Variants in RPS6KC1 observed in about 807,000 individuals in gnomAD.
RPS6KC1 encodes the protein inactive ribosomal protein S6 kinase delta-1.
A neutral mutation model predicts 103.8 loss-of-function variants in RPS6KC1; 54 were observed. That is an observed-to-expected ratio of 0.52 (90% CI 0.42 to 0.65). RPS6KC1 has a LOEUF of 0.65. Among genes scored for constraint, RPS6KC1 ranks in the 30% least tolerant of loss-of-function variants. The pLI is 0.00. For synonymous variants in RPS6KC1, 439 were observed against 438.7 expected, an observed-to-expected ratio of 1.00 and a Z score of -0.01; for missense variants, 1,151 against 1,253.8, an observed-to-expected ratio of 0.92 and a Z score of 1.24.
chr1:213,806,168 T>C, the RPS6KC1 span, among the ~76,000 whole-genome samples: 1 of 151,962 alleles, frequency 6.6e-6, no homozygotes, highest in Non-Finnish European at 1.5e-5. Context: ...CTGTCTCTAC[T>C]AAAAATACGA....
At chr1:213,631,201 G>A in the RPS6KC1 span, among the ~76,000 whole-genome samples, 1 of 151,980 alleles carries the variant, frequency 6.6e-6, no homozygotes, top group African/African-American at 2.4e-5. Context: ...CATGCTCTGT[G>A]TGCTGCATCC....
intron 12 of RPS6KC1, among the ~76,000 whole-genome samples, chr1:213,251,433 G>A (rs943991518): frequency 2.6e-5 from 4 of 152,078 alleles, no homozygotes; most frequent in Admixed American, 2.0e-4. Context: ...TGTAGCACAC[G>A]CCACCTGTGC....
At chr1:213,331,956 C>T in the RPS6KC1 span, among the ~76,000 whole-genome samples, 4 of 151,380 alleles carry the variant, frequency 2.6e-5, no homozygotes, top group African/African-American at 9.7e-5. Context: ...TGTATTTTTC[C>T]TGTGTCTGTT....
chr1:213,640,483 G>A, the RPS6KC1 span, among the ~76,000 whole-genome samples: 55,374 of 150,690 alleles, frequency 0.37, 11,252 homozygotes, highest in Non-Finnish European at 0.46. Flanking sequence ...TCCTCAAGTG[G>A]AAGCTTAGAT....
chr1:213,710,829 T>G, the RPS6KC1 span, among the ~76,000 whole-genome samples: 1 of 152,220 alleles, frequency 6.6e-6, no homozygotes, highest in Non-Finnish European at 1.5e-5. Flanking sequence ...ACTTTAAGAA[T>G]GTTGAAAATT....
the RPS6KC1 span, among the ~76,000 whole-genome samples, chr1:213,358,261 T>C: frequency 2.6e-5 from 4 of 152,182 alleles, no homozygotes; most frequent in African/African-American, 9.7e-5. Flanking sequence ...ATCCATCTGG[T>C]CCTGGACTTT....
At chr1:213,846,256 C>T in the RPS6KC1 span, among the ~76,000 whole-genome samples, 1 of 151,716 alleles carries the variant, frequency 6.6e-6, no homozygotes. Context: ...ACCGAGATCA[C>T]ACCACTGCAC....
the RPS6KC1 span, among the ~76,000 whole-genome samples, chr1:213,354,835 A>T: frequency 2.0e-5 from 3 of 152,200 alleles, no homozygotes; most frequent in African/African-American, 4.8e-5. Flanking sequence ...TAAAGGCTCC[A>T]CTTCTCGATA....
At chr1:213,826,454 T>C in the RPS6KC1 span, among the ~76,000 whole-genome samples, 458 of 152,356 alleles carry the variant, frequency 3.0e-3, 3 homozygotes, top group African/African-American at 0.011. Flanking sequence ...AGGTTGGTCA[T>C]TTTAGTTTCA....
At chr1:213,423,804 G>C in the RPS6KC1 span, among the ~76,000 whole-genome samples, 14 of 152,148 alleles carry the variant, frequency 9.2e-5, no homozygotes, top group Admixed American at 9.2e-4. Flanking sequence ...GAGGGGAGGC[G>C]GCGGGAGGAG....
chr1:213,210,052 G>C (rs528434172), intron 8 of RPS6KC1, among the ~76,000 whole-genome samples: 10 of 152,156 alleles, frequency 6.6e-5, no homozygotes, highest in South Asian at 2.1e-4. Flanking sequence ...GTTTTGGTTG[G>C]CCTCTTTACT....
the RPS6KC1 span, among the ~76,000 whole-genome samples, chr1:213,543,274 A>G: frequency 4.7e-3 from 715 of 152,344 alleles, 6 homozygotes; most frequent in African/African-American, 0.016. Context: ...TCACTGAGGC[A>G]GCAGCCAAGG....
the RPS6KC1 span, among the ~76,000 whole-genome samples, chr1:213,857,739 C>G: frequency 1.3e-5 from 2 of 152,190 alleles, no homozygotes; most frequent in Non-Finnish European, 2.9e-5. Flanking sequence ...CTGGAGACTG[C>G]CCCCACTACA....
At chr1:213,221,716 C>G (rs1159646061) in intron 8 of RPS6KC1, among the ~76,000 whole-genome samples, 1 of 152,154 alleles carries the variant, frequency 6.6e-6, no homozygotes, top group Non-Finnish European at 1.5e-5. Flanking sequence ...CTTGCTCTTC[C>G]TAACCTGGTT....
chr1:213,069,325 C>T (rs190463432), intron 1 of RPS6KC1, among the ~76,000 whole-genome samples: 24 of 152,254 alleles, frequency 1.6e-4, no homozygotes, highest in African/African-American at 5.5e-4. Context: ...TATTTGTTCT[C>T]TGGAATTCTT....
At chr1:213,160,061 CTT>C (rs2148062459) in intron 6 of RPS6KC1, among the ~76,000 whole-genome samples, 1 of 152,222 alleles carries the variant, frequency 6.6e-6, no homozygotes, top group Non-Finnish European at 1.5e-5. Flanking sequence ...CTTATTATAT[CTT>C]TATAATTAAA....
intron 3 of RPS6KC1, among the ~76,000 whole-genome samples, chr1:213,085,125 C>G (rs1412954099): frequency 1.3e-5 from 2 of 152,196 alleles, no homozygotes; most frequent in African/African-American, 2.4e-5. Context: ...CAGGGATGCT[C>G]TCTTTTCAGA....
chr1:213,497,322 A>G, the RPS6KC1 span, among the ~76,000 whole-genome samples: 3 of 152,250 alleles, frequency 2.0e-5, no homozygotes, highest in East Asian at 5.8e-4. Flanking sequence ...CATGTATGGT[A>G]CAGGCTGTTT....
chr1:213,114,733 C>A, intron 4 of RPS6KC1, among the ~76,000 whole-genome samples: 1 of 152,072 alleles, frequency 6.6e-6, no homozygotes, highest in Non-Finnish European at 1.5e-5. Flanking sequence ...TACGTCCCAT[C>A]AATACCTAAT....
Sources: allele counts gnomAD v4.1 joint callset (sites outside exome capture counted in the v4.1 genomes callset), GRCh38; gene constraint gnomAD v4.1.1; transcripts MANE v1.5; gene names NCBI Gene and HGNC (gene_info 2026-07-23, HGNC 2026-07-21).